Variants in ADAMTS16 observed in about 807,000 individuals in gnomAD.
ADAMTS16 encodes the protein ADAM metallopeptidase with thrombospondin type 1 motif 16.
ADAMTS16 carries 94 observed loss-of-function variants against 145.8 expected under a neutral mutation model. The observed-to-expected ratio is 0.64, with a 90% CI of 0.55 to 0.77. The LOEUF (loss-of-function observed/expected upper bound fraction) is 0.77, where lower values mean the gene tolerates loss of function less well. Among genes scored for constraint, ADAMTS16 ranks in the 30% least tolerant of loss-of-function variants. ADAMTS16 has a pLI of 0.00. For missense variants in ADAMTS16, 1,585 were observed against 1,591.5 expected (o/e 1.00, Z 0.07); for synonymous variants, 659 against 604.3 (o/e 1.09, Z -1.33).
In ADAMTS16 at chr5:5,140,431, C is replaced by T. The variant is rs769036073; in HGVS notation, c.-37C>T. 15 of 1,489,210 alleles carry T rather than the reference C, an allele frequency of 1.0e-5. No homozygotes were observed. The East Asian group carries it at 2.9e-4, about 28-fold the overall frequency. The allele number at this position is 1,489,210 out of a possible 1,614,324, so 92.2% of individuals were successfully genotyped here. A position where few individuals can be genotyped will look rare whatever the true frequency, so the allele number is the denominator to read the frequency against. ...CCGCTCGCACGCTGCCGGCCGGGGACCCTCCGGTGGCCCCTAGCCCCTCGG... is the reference window on the plus strand; with the variant it reads ...CCGCTCGCACGCTGCCGGCCGGGGATCCTCCGGTGGCCCCTAGCCCCTCGG... On this transcript the variant is annotated 5_prime_UTR_variant, in exon 1 of 23. Transcript: ENST00000274181.
Position 5,318,229 on chromosome 5 carries a change from T to G in ADAMTS16, c.3507T>G (p.Pro1169=). 6.4e-7 allele frequency: 1 copy of G among 1,567,554 alleles called. No homozygotes were observed. Among genetic ancestry groups the G allele is most frequent in the Non-Finnish European group, 8.7e-7 (1 of 1,151,784 alleles). Residue 1169 remains proline (P), a synonymous_variant, in exon 22 of 23, where the codon CCT becomes CCG. Transcript: ENST00000274181. ...PASGCLLHQK[P]SASLACNTHF... Reference sequence around the variant, plus strand: ...CAGGCTGCCTCCTGCACCAGAAGCCTTCGGCCTCCCTGGCCTGCAACACTC... The same window carrying G: ...CAGGCTGCCTCCTGCACCAGAAGCCGTCGGCCTCCCTGGCCTGCAACACTC...
Position 5,239,788 on chromosome 5 carries a change from T to C in ADAMTS16, c.2386T>C (p.Tyr796His). 1.9e-6 allele frequency: 3 copies of C among 1,614,218 alleles called. No individual in the cohort carries two copies. In the East Asian group the frequency reaches 6.7e-5, roughly 36 times the overall value. Residue 796 changes from tyrosine (Y) to histidine (H), a missense_variant, in exon 16 of 23, where the codon TAC (tyrosine) becomes CAC (histidine). Tyr to His is a moderately conservative substitution (Grantham distance 83, BLOSUM62 2). Transcript: ENST00000274181. ...TGTGCGCAATGCCCTCAGAAGGTACTACCTGAATGGGCACTGGACCGTGGA... is the reference window on the plus strand; with the variant it reads ...TGTGCGCAATGCCCTCAGAAGGTACCACCTGAATGGGCACTGGACCGTGGA... ...ISVRNALRRY[Y>H]LNGHWTVDWP...
intron 8 of ADAMTS16, among the ~76,000 whole-genome samples, chr5:5,199,495 T>G (rs1040140783): frequency 1.3e-5 from 2 of 152,150 alleles, no homozygotes; most frequent in African/African-American, 4.8e-5. Flanking sequence ...TCTCTCCAAA[T>G]AGACAGACAG....
chr5:5,223,558 G>A (rs1736670590), intron 11 of ADAMTS16: 2 of 152,136 alleles, frequency 1.3e-5, no homozygotes, highest in Middle Eastern at 3.4e-3. Flanking sequence ...TGGGTGATGA[G>A]GTTATTCGAA....
At chr5:5,164,593 G>A (rs1026089210) in intron 3 of ADAMTS16, among the ~76,000 whole-genome samples, 1 of 152,240 alleles carries the variant, frequency 6.6e-6, no homozygotes, top group African/African-American at 2.4e-5. Context: ...TGGAGGAAGT[G>A]TCTGGAGTAG....
chr5:5,142,884 A>C (rs919145464), intron 2 of ADAMTS16, among the ~76,000 whole-genome samples: 4 of 152,094 alleles, frequency 2.6e-5, no homozygotes, highest in Non-Finnish European at 4.4e-5. Flanking sequence ...CAGAACAGAG[A>C]CCTCAGAAAT....
intron 18 of ADAMTS16, among the ~76,000 whole-genome samples, chr5:5,278,829 T>G (rs2964389): frequency 0.29 from 44,255 of 152,068 alleles, 8,232 homozygotes; most frequent in East Asian, 0.57. Flanking sequence ...AAACATAATG[T>G]ATTTTAAATG....
intron 10 of ADAMTS16, among the ~76,000 whole-genome samples, chr5:5,215,870 G>GTGTATATA (rs1260354840): frequency 6.3e-4 from 64 of 101,546 alleles, no homozygotes; most frequent in Non-Finnish European, 8.7e-4. Context: ...GTGTGTATGT[G>GTGTATATA]TATATATATA....
chr5:5,168,514 T>C (rs982845589), intron 3 of ADAMTS16, among the ~76,000 whole-genome samples: 4 of 143,832 alleles, frequency 2.8e-5, no homozygotes, highest in Admixed American at 7.1e-5. Flanking sequence ...TAAATGTCTC[T>C]AATTGCACCA....
intron 11 of ADAMTS16, among the ~76,000 whole-genome samples, chr5:5,224,797 C>A (rs938849070): frequency 6.6e-6 from 1 of 152,118 alleles, no homozygotes; most frequent in Non-Finnish European, 1.5e-5. Flanking sequence ...TCTGATGTTG[C>A]CTTTGAGCTA....
At chr5:5,210,915 C>T (rs1019593746) in intron 10 of ADAMTS16, among the ~76,000 whole-genome samples, 1 of 152,160 alleles carries the variant, frequency 6.6e-6, no homozygotes, top group African/African-American at 2.4e-5. Context: ...AATGTCAAGT[C>T]AATCTGCCTT....
intron 21 of ADAMTS16, among the ~76,000 whole-genome samples, chr5:5,309,524 A>G (rs1194747691): frequency 2.6e-5 from 4 of 152,164 alleles, no homozygotes; most frequent in African/African-American, 7.2e-5. Context: ...AAATTCAATG[A>G]GCGGGTCCCG....
At chr5:5,195,322 C>A (rs1388557875) in intron 8 of ADAMTS16, among the ~76,000 whole-genome samples, 1 of 152,156 alleles carries the variant, frequency 6.6e-6, no homozygotes, top group African/African-American at 2.4e-5. Context: ...CACAGATGCA[C>A]CAAGGGCTGA....
intron 20 of ADAMTS16, among the ~76,000 whole-genome samples, chr5:5,304,651 A>G (rs1301306309): frequency 6.6e-6 from 1 of 152,058 alleles, no homozygotes; most frequent in Admixed American, 6.5e-5. Flanking sequence ...GATTGGTAGG[A>G]AGTGCCAAGC....
At chr5:5,302,412 C>G (rs565455084) in intron 18 of ADAMTS16, among the ~76,000 whole-genome samples, 1 of 152,082 alleles carries the variant, frequency 6.6e-6, no homozygotes, top group East Asian at 1.9e-4. Flanking sequence ...AATAATCATA[C>G]GAGAAAGGAG....
intron 20 of ADAMTS16, among the ~76,000 whole-genome samples, chr5:5,304,227 G>A (rs533128339): frequency 6.6e-6 from 1 of 152,278 alleles, no homozygotes; most frequent in Admixed American, 6.5e-5. Context: ...TTCTATTTGC[G>A]AAAGGAAACT....
intron 3 of ADAMTS16, among the ~76,000 whole-genome samples, chr5:5,170,790 A>G (rs1735023515): frequency 1.3e-5 from 2 of 151,530 alleles, no homozygotes. Flanking sequence ...CTTTGCAGAC[A>G]TTTTCTCCCA....
chr5:5,272,745 C>T (rs546016929), intron 18 of ADAMTS16, among the ~76,000 whole-genome samples: 4 of 152,176 alleles, frequency 2.6e-5, no homozygotes, highest in Admixed American at 6.5e-5. Context: ...TGGCAGGCAG[C>T]CCCACTTCTG....
chr5:5,203,283 G>A (rs2126595512), intron 9 of ADAMTS16, among the ~76,000 whole-genome samples: 1 of 152,290 alleles, frequency 6.6e-6, no homozygotes, highest in Admixed American at 6.5e-5. Flanking sequence ...CACTTCTATA[G>A]TGTGTTAAAT....
Sources: allele counts gnomAD v4.1 joint callset (sites outside exome capture counted in the v4.1 genomes callset), GRCh38; gene constraint gnomAD v4.1.1; transcripts MANE v1.5; gene names NCBI Gene and HGNC (gene_info 2026-07-23, HGNC 2026-07-21).